Variants in TMPRSS13 observed in about 807,000 individuals in gnomAD.
TMPRSS13 encodes the protein transmembrane serine protease 13.
In TMPRSS13, 50 loss-of-function variants were observed where a neutral mutation model predicts 68.4. That is an observed-to-expected ratio of 0.73 (90% CI 0.58 to 0.93). The LOEUF (loss-of-function observed/expected upper bound fraction) is 0.93. Among genes scored for constraint, TMPRSS13 ranks in the 40% least tolerant of loss-of-function variants. TMPRSS13 has a pLI of 0.00. For missense variants in TMPRSS13, 615 were observed against 729.2 expected, an observed-to-expected ratio of 0.84 and a Z score of 1.80; for synonymous variants, 267 against 285.8, an observed-to-expected ratio of 0.93 and a Z score of 0.66.
chr11:117,905,965 G>C (rs539581145), intron 9 of TMPRSS13, among the ~76,000 whole-genome samples: 16 of 152,326 alleles, frequency 1.1e-4, no homozygotes, highest in African/African-American at 3.6e-4. Flanking sequence ...AGTCCTCAAA[G>C]CCGTTCTGAT....
Position 117,914,375 on chromosome 11 carries a change from G to A in TMPRSS13, c.679+17C>T, listed in dbSNP as rs1442031546. On this transcript the variant is annotated intron_variant, in intron 4 of 12. Coordinates refer to ENST00000524993, the MANE Select transcript of TMPRSS13 (RefSeq NM_001077263.3). The surrounding 1 kb of genome is among the most constrained non-coding windows in gnomAD (Gnocchi z 4.2). ...CACATGCACACGCACGCGCTCCCCCGCACCCAGCCTCCTTACCGCAGCCCA... is the reference window on the plus strand; with the variant it reads ...CACATGCACACGCACGCGCTCCCCCACACCCAGCCTCCTTACCGCAGCCCA... 24 of 1,612,244 alleles carry A rather than the reference G, an allele frequency of 1.5e-5. No individual in the cohort carries two copies. The East Asian group carries it at 2.9e-4, about 19-fold the overall frequency.
rs1565342777 is a variant in TMPRSS13, at chr11:117,901,091, T to G, written c.*1148A>C. ...AGCTTTCTCTCCATAGCAGTTTTTA[T>G]GTCATTGCTATGTTTCTGAAACAAC... is the stretch of plus-strand genomic sequence containing the variant. On this transcript the variant is annotated 3_prime_UTR_variant, in exon 13 of 13. Coordinates refer to ENST00000524993, the MANE Select transcript of TMPRSS13 (RefSeq NM_001077263.3). The G allele has an allele frequency of 6.6e-6, 1 of 152,252 alleles. No homozygotes were observed. Among genetic ancestry groups the G allele is most frequent in the African/African-American group, 2.4e-5 (1 of 41,458 alleles). The allele number at this position is 152,252 out of a possible 1,614,324, so 9.4% of individuals were successfully genotyped here. A position where few individuals can be genotyped will look rare whatever the true frequency, so the allele number is the denominator to read the frequency against.
At chr11:117,917,104 C>A in intron 3 of TMPRSS13, 66 bp downstream of exon 3, 1 of 1,351,662 alleles carries the variant, frequency 7.4e-7, no homozygotes, top group South Asian at 1.2e-5. Context: ...TGCCTGCCCC[C>A]ATCCCTGGGT....
chr11:117,926,750 C>A (rs2057711410), intron 1 of TMPRSS13, among the ~76,000 whole-genome samples: 1 of 152,182 alleles, frequency 6.6e-6, no homozygotes. Context: ...ATGTGTCCAA[C>A]CCTCTTCTTT....
At position 117,914,322 on chromosome 11, in the gene TMPRSS13, CAT is replaced by C; in HGVS notation, c.679+68_679+69del. The C allele has an allele frequency of 6.3e-7, 1 of 1,588,318 alleles. No individual in the cohort carries two copies. Among genetic ancestry groups the C allele is most frequent in the Non-Finnish European group, 8.6e-7 (1 of 1,167,016 alleles). ...ACACACAGGCATGCATACACACACA[CAT>C]ATACAAACAGGCACACAAACACATG... On this transcript the variant is annotated intron_variant, in intron 4 of 12. Transcript: ENST00000524993. This position sits in a 1 kb window ranked among gnomAD's most constrained non-coding sequence, Gnocchi z 4.2.
At chr11:117,903,304 A>T in intron 12 of TMPRSS13, 1 of 1,360,010 alleles carries the variant, frequency 7.4e-7, no homozygotes, top group Non-Finnish European at 1.0e-6. Flanking sequence ...AATGCTTGAT[A>T]ACAAAAACTA....
chr11:117,903,425 G>A, intron 12 of TMPRSS13: 2 of 1,536,248 alleles, frequency 1.3e-6, no homozygotes, highest in Non-Finnish European at 1.7e-6. Context: ...TGGCCTGTAG[G>A]TCCACCCTTT....
chr11:117,913,187 T>G (rs1186922357), intron 5 of TMPRSS13, among the ~76,000 whole-genome samples: 2 of 152,190 alleles, frequency 1.3e-5, no homozygotes, highest in African/African-American at 4.8e-5. Context: ...GATGCGTGTC[T>G]GGGCTGAAAA....
intron 3 of TMPRSS13, among the ~76,000 whole-genome samples, chr11:117,916,156 C>T (rs1437512704): frequency 1.3e-5 from 2 of 152,168 alleles, no homozygotes; most frequent in Non-Finnish European, 2.9e-5. Flanking sequence ...TAACAGAATC[C>T]TTACTCTTTG....
intron 9 of TMPRSS13, chr11:117,908,132 CCAAT>C: frequency 1.0e-6 from 1 of 1,000,508 alleles, no homozygotes; most frequent in Non-Finnish European, 1.2e-6. Flanking sequence ...CGACCTGGTT[CCAAT>C]CCCAGAGCTA....
At chr11:117,902,783 T>G (rs2057420996) in intron 12 of TMPRSS13, among the ~76,000 whole-genome samples, 1 of 152,222 alleles carries the variant, frequency 6.6e-6, no homozygotes, top group Non-Finnish European at 1.5e-5. Flanking sequence ...CATCCTTAAT[T>G]TATAACAATA....
rs2057569949 is a variant in TMPRSS13, at chr11:117,915,605, A to C, written c.557-1091T>G. 6.6e-6 allele frequency among the ~76,000 whole-genome samples: 1 copy of C among 152,124 alleles called. No homozygotes were observed. Among genetic ancestry groups the C allele is most frequent in the African/African-American group, 2.4e-5 (1 of 41,420 alleles). ...GGAGAGGGTACTGGGCCGGGTTGGG[A>C]GTCAGGAGGCCTGGGCTCTAGTCCT... On this transcript the variant is annotated intron_variant, in intron 3 of 12. Coordinates refer to ENST00000524993, the MANE Select transcript of TMPRSS13 (RefSeq NM_001077263.3). This position sits in a 1 kb window ranked among gnomAD's most constrained non-coding sequence, Gnocchi z 4.9.
Position 117,928,421 on chromosome 11 carries a change from C to T in TMPRSS13, c.21+866G>A, listed in dbSNP as rs148128769. Reference sequence around the variant, plus strand: ...ACCACAAGCCAACTATAAGCCAAAACATAGGATGAGCTGATCTTTCCCAAA... The same window carrying T: ...ACCACAAGCCAACTATAAGCCAAAATATAGGATGAGCTGATCTTTCCCAAA... On this transcript the variant is annotated intron_variant, in intron 1 of 12. Transcript: ENST00000524993. Among the ~76,000 whole-genome samples the T allele has an allele frequency of 3.2e-3, 482 of 152,314 alleles. 5 individuals are homozygous for T. The highest frequency in any genetic ancestry group is 0.011 in the African/African-American group (450 of 41,552).
chr11:117,924,046 T>C (rs7106884), intron 1 of TMPRSS13, among the ~76,000 whole-genome samples: 149,410 of 151,846 alleles, frequency 0.98, 73,544 homozygotes, highest in South Asian at 1. Flanking sequence ...GTTGCAAAGA[T>C]TCTGAAAACC....
At position 117,905,049 on chromosome 11, in the gene TMPRSS13, C is replaced by T. The variant is rs537182654; in HGVS notation, c.1381+589G>A. 2.4e-4 allele frequency among the ~76,000 whole-genome samples: 37 copies of T among 151,476 alleles called. 1 individual carries two copies. In the South Asian group the frequency reaches 5.2e-3, roughly 21 times the overall value. ...AGCTGGGACTACAGGCACACATCACCATGCCCAGCTAATTTTTCTATTTTT... is the reference window on the plus strand; with the variant it reads ...AGCTGGGACTACAGGCACACATCACTATGCCCAGCTAATTTTTCTATTTTT... On this transcript the variant is annotated intron_variant, in intron 10 of 12. Coordinates refer to ENST00000524993, the MANE Select transcript of TMPRSS13 (RefSeq NM_001077263.3).
At chr11:117,910,914 T>C (rs1396774416) in intron 6 of TMPRSS13, among the ~76,000 whole-genome samples, 164 bp from the exon 7 acceptor site, 1 of 152,194 alleles carries the variant, frequency 6.6e-6, no homozygotes, top group Non-Finnish European at 1.5e-5. Flanking sequence ...TGTGACATTG[T>C]CCCTTCCAGT....
intron 2 of TMPRSS13, among the ~76,000 whole-genome samples, 164 bp from the exon 3 acceptor site, chr11:117,917,438 G>T (rs2057590557): frequency 1.3e-5 from 2 of 152,182 alleles, no homozygotes; most frequent in South Asian, 2.1e-4. Context: ...TTGAATGAAT[G>T]AATGAATTTT....
chr11:117,918,968 G>C (rs1048824091), intron 1 of TMPRSS13, 130 bp from the exon 2 acceptor site: 1 of 1,292,062 alleles, frequency 7.7e-7, no homozygotes, highest in Non-Finnish European at 1.1e-6. Flanking sequence ...CCCCGGACAA[G>C]GAAGCATCTG....
chr11:117,908,641 A>T lies in TMPRSS13; in HGVS notation c.1253T>A (p.Met418Lys). Residue 418 changes from methionine (M) to lysine (K), a missense_variant, in exon 9 of 13, where the codon ATG becomes AAG. By Grantham distance (95) the Met-to-Lys change is moderately conservative. Coordinates refer to ENST00000524993, the MANE Select transcript of TMPRSS13 (RefSeq NM_001077263.3). Reference protein sequence around the residue: ...DEEDDYDIALMRLSKPLTLSA... With the variant: ...DEEDDYDIALKRLSKPLTLSA... ...CAGGGTCAGGGGCTTGGACAGCCGCATGAGGGCGATGTCATAGTCGTCCTC... is the reference window on the plus strand; with the variant it reads ...CAGGGTCAGGGGCTTGGACAGCCGCTTGAGGGCGATGTCATAGTCGTCCTC... 6.4e-7 allele frequency: 1 copy of T among 1,573,018 alleles called. No individual in the cohort carries two copies. Among genetic ancestry groups the T allele is most frequent in the Non-Finnish European group, 8.6e-7 (1 of 1,159,516 alleles).
Sources: allele counts gnomAD v4.1 joint callset (sites outside exome capture counted in the v4.1 genomes callset), GRCh38; gene constraint gnomAD v4.1.1; non-coding constraint Gnocchi (gnomAD v3.1); transcripts MANE v1.5; gene names NCBI Gene and HGNC (gene_info 2026-07-23, HGNC 2026-07-21).